Variants in GFRAL observed in about 807,000 individuals in gnomAD.
GFRAL encodes GDNF family receptor alpha like, also known as GDNF family receptor alpha-like.
A neutral mutation model predicts 45.4 loss-of-function variants in GFRAL; 36 were observed. That is an observed-to-expected ratio of 0.79 (90% CI 0.61 to 1.05). GFRAL has a LOEUF of 1.05. GFRAL is among the 50% of genes least tolerant of loss of function. GFRAL has a pLI of 0.00. For synonymous variants in GFRAL, 166 were observed against 154.1 expected (o/e 1.08, Z -0.57); for missense variants, 507 against 467.5 (o/e 1.08, Z -0.78).
chr6:55,337,688 T>A (rs1299333769), intron 3 of GFRAL, among the ~76,000 whole-genome samples: 1 of 152,196 alleles, frequency 6.6e-6, no homozygotes, highest in Admixed American at 6.5e-5. Context: ...AGTTTTCAGT[T>A]TACTGTTTCT....
chr6:55,337,000 T>G (rs1047567366), intron 3 of GFRAL, among the ~76,000 whole-genome samples: 2 of 152,166 alleles, frequency 1.3e-5, no homozygotes, highest in Non-Finnish European at 2.9e-5. Flanking sequence ...ATTTATCTTT[T>G]CCTTTTTTGG....
At chr6:55,351,669 AGCTAGAGTTCCC>A (rs1430417782) in intron 5 of GFRAL, 86 bp downstream of exon 5, 1 of 903,148 alleles carries the variant, frequency 1.1e-6, no homozygotes, top group Non-Finnish European at 1.7e-6. Flanking sequence ...TCATAACATT[AGCTAGAGTTCCC>A]ACCATCATCC....
chr6:55,350,289 A>T, intron 4 of GFRAL, 144 bp downstream of exon 4: 1 of 577,876 alleles, frequency 1.7e-6, no homozygotes, highest in Non-Finnish European at 3.1e-6. Flanking sequence ...CAGCAAAATC[A>T]TTTCATTTCT....
chr6:55,356,095 T>C (rs1415133934), intron 5 of GFRAL, among the ~76,000 whole-genome samples: 3 of 151,976 alleles, frequency 2.0e-5, no homozygotes, highest in Admixed American at 2.0e-4. Context: ...TGATGAAAAA[T>C]CTTAATGTGT....
Position 55,400,916 on chromosome 6 carries a change from T to C in GFRAL, c.1122-874T>C, listed in dbSNP as rs760164561. ...GGCAAAAACATCTTACTTTAATGGT[T>C]CTCAATCTTTACTTCTTAACTACAT... On this transcript the variant is annotated intron_variant, in intron 8 of 8. Coordinates refer to ENST00000340465, the MANE Select transcript of GFRAL (RefSeq NM_207410.2). Among the ~76,000 whole-genome samples the C allele has an allele frequency of 2.0e-5, 3 of 152,192 alleles. No individual in the cohort carries two copies. The East Asian group carries it at 5.8e-4, about 29-fold the overall frequency.
intron 6 of GFRAL, among the ~76,000 whole-genome samples, chr6:55,370,191 T>C (rs916343741): frequency 3.9e-5 from 6 of 152,022 alleles, no homozygotes; most frequent in African/African-American, 1.4e-4. Flanking sequence ...ATATTTATCA[T>C]TCAGTTAAAG....
intron 6 of GFRAL, among the ~76,000 whole-genome samples, chr6:55,390,987 G>T (rs1768746234): frequency 6.6e-6 from 1 of 151,318 alleles, no homozygotes; most frequent in African/African-American, 2.4e-5. Context: ...TATTTTTACA[G>T]CAAAATAGAA....
At chr6:55,389,901 G>A (rs150655754) in intron 6 of GFRAL, among the ~76,000 whole-genome samples, 8 of 152,338 alleles carry the variant, frequency 5.3e-5, no homozygotes, top group East Asian at 1.9e-4. Context: ...CCTGACTGAC[G>A]TGGAATAATT....
At chr6:55,379,800 C>G (rs1008768030) in intron 6 of GFRAL, among the ~76,000 whole-genome samples, 1 of 151,810 alleles carries the variant, frequency 6.6e-6, no homozygotes, top group Non-Finnish European at 1.5e-5. Flanking sequence ...ATCCTTTGAC[C>G]AATATCTCCC....
At chr6:55,380,081 A>C (rs987238251) in intron 6 of GFRAL, among the ~76,000 whole-genome samples, 8 of 152,012 alleles carry the variant, frequency 5.3e-5, no homozygotes, top group Non-Finnish European at 1.0e-4. Context: ...TGTTGCAATA[A>C]ACATGGAATG....
intron 6 of GFRAL, among the ~76,000 whole-genome samples, chr6:55,370,928 A>C (rs1226197579): frequency 1.3e-5 from 2 of 152,178 alleles, no homozygotes; most frequent in Non-Finnish European, 2.9e-5. Context: ...GCCATTTCGC[A>C]TCTTCTTAGG....
At chr6:55,329,322 A>C (rs1326386012) in intron 1 of GFRAL, among the ~76,000 whole-genome samples, 1 of 152,130 alleles carries the variant, frequency 6.6e-6, no homozygotes, top group Admixed American at 6.6e-5. Flanking sequence ...AAACATTAAA[A>C]ACTGAAAATG....
chr6:55,370,155 T>C (rs1768432159), intron 6 of GFRAL, among the ~76,000 whole-genome samples: 2 of 151,986 alleles, frequency 1.3e-5, no homozygotes, highest in Admixed American at 6.5e-5. Flanking sequence ...AAATTTATAA[T>C]ATAAATATAA....
At chr6:55,338,797 A>G (rs1274302816) in intron 3 of GFRAL, among the ~76,000 whole-genome samples, 1 of 152,226 alleles carries the variant, frequency 6.6e-6, no homozygotes, top group Non-Finnish European at 1.5e-5. Context: ...ATGGAAAAGT[A>G]TTTAACACTG....
chr6:55,384,890 G>C (rs2127364046), intron 6 of GFRAL, among the ~76,000 whole-genome samples: 1 of 148,538 alleles, frequency 6.7e-6, no homozygotes, highest in South Asian at 2.1e-4. Context: ...GTCAGACTCA[G>C]CTACGGAGTT....
At chr6:55,397,776 G>A (rs1483886512) in intron 6 of GFRAL, among the ~76,000 whole-genome samples, 1 of 152,138 alleles carries the variant, frequency 6.6e-6, no homozygotes, top group Non-Finnish European at 1.5e-5. Context: ...TAGGTGGAGA[G>A]ATAACTGAAT....
chr6:55,373,676 T>C (rs1768483053), intron 6 of GFRAL, among the ~76,000 whole-genome samples: 1 of 152,212 alleles, frequency 6.6e-6, no homozygotes, highest in South Asian at 2.1e-4. Context: ...TGCTCCATCA[T>C]TGAATCAATT....
intron 5 of GFRAL, among the ~76,000 whole-genome samples, chr6:55,356,000 C>T (rs1768189404): frequency 6.6e-6 from 1 of 150,786 alleles, no homozygotes; most frequent in African/African-American, 2.5e-5. Context: ...TTATGTCCTT[C>T]ATTTTGTTGA....
At position 55,346,963 on chromosome 6, in the gene GFRAL, G is replaced by T. The variant is rs868366193; in HGVS notation, c.317-3129G>T. 1.8e-4 allele frequency among the ~76,000 whole-genome samples: 27 copies of T among 151,922 alleles called. No homozygotes were observed. The Middle Eastern group carries it at 0.01, about 57-fold the overall frequency. On this transcript the variant is annotated intron_variant, in intron 3 of 8. Transcript: ENST00000340465. Reference sequence around the variant, plus strand: ...GGTAATTAATTTTTTAATTTGTTGGGATGCTAGTTAAGTTGATAGTGTGAC... The same window carrying T: ...GGTAATTAATTTTTTAATTTGTTGGTATGCTAGTTAAGTTGATAGTGTGAC...
Sources: allele counts gnomAD v4.1 joint callset (sites outside exome capture counted in the v4.1 genomes callset), GRCh38; gene constraint gnomAD v4.1.1; transcripts MANE v1.5; gene names NCBI Gene and HGNC (gene_info 2026-07-23, HGNC 2026-07-21).